Variants in ATIC observed in about 807,000 individuals in gnomAD.
The protein encoded by ATIC is 5-aminoimidazole-4-carboxamide ribonucleotide formyltransferase/IMP cyclohydrolase.
A neutral mutation model predicts 72.5 loss-of-function variants in ATIC; 64 were observed. The observed-to-expected ratio is 0.88, with a 90% CI of 0.72 to 1.09. The LOEUF is 1.09. Ranked by LOEUF, ATIC falls within the 50% of genes least tolerant of loss-of-function variation. The probability of loss-of-function intolerance (pLI) is 0.00; values close to 1 mark genes in which losing one functional copy is unlikely to be tolerated. For missense variants in ATIC, 787 were observed against 732.4 expected (o/e 1.07, Z -0.86); for synonymous variants, 281 against 267.1 (o/e 1.05, Z -0.51).
chr2:215,332,577 T>A (rs1020149119), intron 8 of ATIC, 70 bp downstream of exon 8: 21 of 1,579,012 alleles, frequency 1.3e-5, no homozygotes, highest in Middle Eastern at 3.3e-4. Flanking sequence ...TTTTTGAATA[T>A]TAACAAGTTC....
Position 215,326,139 on chromosome 2 carries a change from G to A in ATIC, c.531+1G>A, listed in dbSNP as rs763921823. On this transcript the variant is annotated splice_donor_variant, in intron 6 of 15. Transcript: ENST00000236959. LOFTEE classifies it high-confidence loss of function. Reference sequence around the variant, plus strand: ...GACTAGACGCCAGTTAGCCTTGAAGGTGGGATGCACTTTCATGATATTGTA... The same window carrying A: ...GACTAGACGCCAGTTAGCCTTGAAGATGGGATGCACTTTCATGATATTGTA... The A allele has an allele frequency of 8.7e-6, 14 of 1,613,770 alleles. No homozygotes were observed. The highest frequency in any genetic ancestry group is 3.3e-4 in the Middle Eastern group (2 of 6,078).
At chr2:215,361,652 A>T in the ATIC span, 6 of 1,555,434 alleles carry the variant, frequency 3.9e-6, no homozygotes, top group South Asian at 1.1e-5. Flanking sequence ...AAGGAAAAAA[A>T]AATTAGTGGC....
chr2:215,325,860 C>G (rs757702755), intron 5 of ATIC, 127 bp from the exon 6 acceptor site: 8 of 1,230,864 alleles, frequency 6.5e-6, no homozygotes, highest in Non-Finnish European at 9.2e-6. Context: ...GCCACTGCGC[C>G]CAGCTTATTT....
intron 9 of ATIC, among the ~76,000 whole-genome samples, chr2:215,334,590 C>G (rs1425618479): frequency 1.3e-5 from 2 of 152,136 alleles, no homozygotes; most frequent in African/African-American, 4.8e-5. Flanking sequence ...TCTGAAAGTT[C>G]TTGAGAAACT....
chr2:215,343,932 G>T (rs1484786192), intron 12 of ATIC, among the ~76,000 whole-genome samples: 2 of 152,098 alleles, frequency 1.3e-5, no homozygotes, highest in African/African-American at 2.4e-5. Context: ...TATTCTTGTT[G>T]TTCTATTTGG....
intron 5 of ATIC, 79 bp from the exon 6 acceptor site, chr2:215,325,908 T>G (rs2052818457): frequency 6.5e-7 from 1 of 1,531,958 alleles, no homozygotes; most frequent in African/African-American, 1.4e-5. Flanking sequence ...TGGAAGTACA[T>G]GCACAATGAC....
the ATIC span, chr2:215,361,802 A>C: frequency 1.8e-5 from 10 of 563,044 alleles, no homozygotes; most frequent in Admixed American, 6.3e-5. Flanking sequence ...AGAGTTACAT[A>C]AATTATAACT....
rs768294113 is a variant in ATIC at position 215,349,640 on chromosome 2, G to T, written c.1764G>T (p.Arg588=). ...LGIILAHTNL[R]LFHH is the part of the protein sequence containing the mutation. ...TCATCCTCGCTCATACGAACCTTCG[G>T]CTCTTCCACCACTGATTTTACCACA... The change falls in exon 16 of 16, where the codon CGG becomes CGT. Residue 588 remains arginine, a synonymous_variant. Coordinates refer to ENST00000236959, the MANE Select transcript of ATIC (RefSeq NM_004044.7). The T allele has an allele frequency of 6.2e-7, 1 of 1,614,128 alleles. No individual in the cohort carries two copies. Among genetic ancestry groups the T allele is most frequent in the Non-Finnish European group, 8.5e-7 (1 of 1,180,044 alleles).
intron 2 of ATIC, among the ~76,000 whole-genome samples, chr2:215,315,666 T>A (rs955801181): frequency 1.1e-4 from 17 of 152,294 alleles, no homozygotes; most frequent in African/African-American, 3.8e-4. Context: ...AGGTCTTGGT[T>A]CTGGCTGGGC....
At chr2:215,322,479 G>A (rs1000803944) in intron 4 of ATIC, among the ~76,000 whole-genome samples, 4 of 151,504 alleles carry the variant, frequency 2.6e-5, no homozygotes, top group South Asian at 2.1e-4. Flanking sequence ...ACAGGTGCCC[G>A]CCACCACGCC....
At chr2:215,323,146 C>T (rs2052787891) in intron 4 of ATIC, among the ~76,000 whole-genome samples, 1 of 152,086 alleles carries the variant, frequency 6.6e-6, no homozygotes, top group Admixed American at 6.6e-5. Context: ...AGGGTTTCAC[C>T]GTGTTCGCCA....
the ATIC span, chr2:215,364,544 G>A: frequency 2.5e-6 from 1 of 394,928 alleles, no homozygotes; most frequent in South Asian, 2.5e-5. Flanking sequence ...AGTGTAAATA[G>A]TATCTCTGAC....
At chr2:215,324,200 T>C (rs574520601) in intron 4 of ATIC, among the ~76,000 whole-genome samples, 9 of 152,372 alleles carry the variant, frequency 5.9e-5, no homozygotes, top group Admixed American at 2.0e-4. Flanking sequence ...CCTGGCCTCT[T>C]GTCTTGTTTC....
chr2:215,322,329 C>CTTTTTTT (rs762086501), intron 4 of ATIC, among the ~76,000 whole-genome samples: 1 of 137,284 alleles, frequency 7.3e-6, no homozygotes, highest in African/African-American at 2.8e-5. Flanking sequence ...TATTTTCTTT[C>CTTTTTTT]TTTTTTTTTT....
chr2:215,347,976 C>T (rs2053090036), intron 14 of ATIC, among the ~76,000 whole-genome samples: 1 of 152,144 alleles, frequency 6.6e-6, no homozygotes, highest in Non-Finnish European at 1.5e-5. Context: ...CTGGGGAGGC[C>T]TACCCTCTGC....
At chr2:215,313,159 G>A (rs956544161) in intron 2 of ATIC, among the ~76,000 whole-genome samples, 3 of 152,192 alleles carry the variant, frequency 2.0e-5, no homozygotes, top group African/African-American at 7.2e-5. Context: ...GGAAAAGTAG[G>A]ATTGGAACCC....
Position 215,319,645 on chromosome 2 carries a change from G to C in ATIC, c.224-20G>C, listed in dbSNP as rs774500254. 1 of 1,576,108 alleles carries C rather than the reference G, an allele frequency of 6.3e-7. No individual in the cohort carries two copies. On this transcript the variant is annotated intron_variant, in intron 3 of 15. Coordinates refer to ENST00000236959, the MANE Select transcript of ATIC (RefSeq NM_004044.7). The stretch of plus-strand genomic sequence containing the variant: ...CTTGTTTTTTGAAGCTAATGACTTT[G>C]TTTAACTTTTTTAAATTAGGAATCC...
At chr2:215,356,451 A>C in the ATIC span, among the ~76,000 whole-genome samples, 4 of 152,202 alleles carry the variant, frequency 2.6e-5, no homozygotes, top group African/African-American at 9.7e-5. Context: ...ATTTTTTAAG[A>C]TAAAATTTAT....
chr2:215,361,753 C>G, the ATIC span: 25 of 1,015,678 alleles, frequency 2.5e-5, no homozygotes, highest in Non-Finnish European at 3.8e-5. Context: ...TTCCTAGTTT[C>G]AAGAACCTAG....
Sources: allele counts gnomAD v4.1 joint callset (sites outside exome capture counted in the v4.1 genomes callset), GRCh38; gene constraint gnomAD v4.1.1; transcripts MANE v1.5; gene names NCBI Gene and HGNC (gene_info 2026-07-23, HGNC 2026-07-21).